Variants in TRAF2 observed in about 807,000 individuals in gnomAD.
TRAF2 encodes TNF receptor-associated factor 2.
Under a neutral mutation model 55.6 loss-of-function variants are expected in TRAF2, and 6 were observed. The ratio of observed to expected loss-of-function variants is 0.11; its 90% CI spans 0.06 to 0.21. TRAF2 has a LOEUF of 0.21. Among genes scored for constraint, TRAF2 ranks in the 10% least tolerant of loss-of-function variants. TRAF2 has a pLI of 1.00. For synonymous variants in TRAF2, 329 were observed against 276.3 expected (o/e 1.19, Z -1.89); for missense variants, 561 against 684.5 (o/e 0.82, Z 2.01).
At chr9:136,897,946 G>A (rs7033827) in intron 1 of TRAF2, among the ~76,000 whole-genome samples, 36 of 101,016 alleles carry the variant, frequency 3.6e-4, no homozygotes, top group Admixed American at 4.0e-4. Context: ...GGTGTGCTAC[G>A]TTCCCGCTCT....
At position 136,925,663 on chromosome 9, in the gene TRAF2, C is replaced by T. The variant is rs769685236; in HGVS notation, c.1288-20C>T. 54 of 1,612,934 alleles carry T rather than the reference C, an allele frequency of 3.3e-5. No individual in the cohort carries two copies. The highest frequency in any genetic ancestry group is 4.3e-5 in the Non-Finnish European group (51 of 1,179,440). On this transcript the variant is annotated intron_variant, in intron 10 of 10. Transcript: ENST00000247668. ...ACGGCCCACAGACCTGTGTCCCCTC[C>T]CTGGGGCTCTCTCCTCCAGGTGACC...
At chr9:136,915,441 C>T (rs764709402) in intron 6 of TRAF2, among the ~76,000 whole-genome samples, 1 of 152,038 alleles carries the variant, frequency 6.6e-6, no homozygotes, top group Non-Finnish European at 1.5e-5. Context: ...GGGTCCACGC[C>T]GTGGATCCAG....
At chr9:136,914,529 TCA>T (rs1158592368) in intron 6 of TRAF2, among the ~76,000 whole-genome samples, 13 of 152,218 alleles carry the variant, frequency 8.5e-5, no homozygotes, top group Admixed American at 3.9e-4. Flanking sequence ...CGAAAATACT[TCA>T]GTGACAGCAG....
At chr9:136,887,209 T>A (rs968626839) in intron 1 of TRAF2, among the ~76,000 whole-genome samples, 4 of 151,754 alleles carry the variant, frequency 2.6e-5, no homozygotes, top group African/African-American at 9.7e-5. Context: ...CGGGCCGGGA[T>A]CGGGGCCGGG....
chr9:136,899,445 C>A, intron 2 of TRAF2, 149 bp from the exon 3 acceptor site: 1 of 620,806 alleles, frequency 1.6e-6, no homozygotes, highest in Non-Finnish European at 2.8e-6. Flanking sequence ...TAAAACATGT[C>A]CTGTTAACAT....
intron 1 of TRAF2, among the ~76,000 whole-genome samples, chr9:136,891,910 G>C (rs912198575): frequency 6.6e-6 from 1 of 151,048 alleles, no homozygotes; most frequent in Non-Finnish European, 1.5e-5. Flanking sequence ...TAGTAGAAAT[G>C]GGTTTCTCCA....
chr9:136,900,665 C>G, intron 4 of TRAF2, 145 bp downstream of exon 4: 1 of 737,508 alleles, frequency 1.4e-6, no homozygotes, highest in East Asian at 2.7e-5. Context: ...AGAGACGGAG[C>G]TGCTCCTTAG....
chr9:136,912,152 CTT>C (rs1180324647), intron 6 of TRAF2, among the ~76,000 whole-genome samples: 1 of 58,328 alleles, frequency 1.7e-5, no homozygotes, highest in African/African-American at 7.6e-5. Flanking sequence ...GCGTCTGGCC[CTT>C]TTTTTTTTTT....
chr9:136,896,099 A>C (rs563141411), intron 1 of TRAF2, among the ~76,000 whole-genome samples: 4 of 150,730 alleles, frequency 2.7e-5, no homozygotes, highest in African/African-American at 4.9e-5. Context: ...GAGCCCCCCC[A>C]CCCCCACTGG....
At chr9:136,898,149 C>G (rs1045878698) in intron 1 of TRAF2, among the ~76,000 whole-genome samples, 2 of 151,794 alleles carry the variant, frequency 1.3e-5, no homozygotes, top group South Asian at 2.1e-4. Flanking sequence ...AGTGCACTAG[C>G]CAGCCCCAGG....
intron 1 of TRAF2, among the ~76,000 whole-genome samples, chr9:136,896,820 G>GAGTTTAATA: frequency 6.6e-6 from 1 of 152,316 alleles, no homozygotes; most frequent in East Asian, 1.9e-4. Flanking sequence ...GTGTTAGCCA[G>GAGTTTAATA]GATGGTCCCG....
intron 5 of TRAF2, among the ~76,000 whole-genome samples, chr9:136,909,016 C>T (rs1298091981): frequency 1.4e-5 from 2 of 144,930 alleles, no homozygotes; most frequent in Non-Finnish European, 3.0e-5. Context: ...CTAGCCTGGG[C>T]AACAGAGGAA....
At chr9:136,907,994 T>C in intron 4 of TRAF2, 76 bp from the exon 5 acceptor site, 1 of 1,529,234 alleles carries the variant, frequency 6.5e-7, no homozygotes, top group Non-Finnish European at 8.8e-7. Context: ...TACATCGCCT[T>C]GTGTCCCCGG....
chr9:136,908,328 C>T, intron 5 of TRAF2, 97 bp downstream of exon 5: 2 of 1,317,574 alleles, frequency 1.5e-6, no homozygotes, highest in South Asian at 1.5e-5. Context: ...GGCCCCTTTG[C>T]ACTCGTTCCA....
chr9:136,900,650 G>T, intron 4 of TRAF2, 130 bp downstream of exon 4: 1 of 779,896 alleles, frequency 1.3e-6, no homozygotes. Context: ...GATGTCTGTG[G>T]AGGAAGAGAC....
intron 6 of TRAF2, among the ~76,000 whole-genome samples, chr9:136,912,055 G>A (rs182893491): frequency 1.1e-4 from 17 of 150,702 alleles, no homozygotes; most frequent in African/African-American, 3.7e-4. Context: ...GGGTTTCACC[G>A]TGTTGACCAG....
At position 136,910,092 on chromosome 9, in the gene TRAF2, T is replaced by G. The variant is rs2131311259; in HGVS notation, c.603+98T>G. 3.9e-6 allele frequency: 5 copies of G among 1,287,924 alleles called. No individual in the cohort carries two copies. In the East Asian group the frequency reaches 1.3e-4, roughly 32 times the overall value. 79.8% of individuals were successfully genotyped at this position (1,287,924 alleles called of 1,614,324 possible). A position where few individuals can be genotyped will look rare whatever the true frequency, so the allele number is the denominator to read the frequency against. ...GGGGTGGGGCAGGTTATGACCCTTG[T>G]GCCCAAAGGAACAGCAGTGCAAAGC... On this transcript the variant is annotated intron_variant, in intron 6 of 10. Transcript: ENST00000247668.
In TRAF2 at chr9:136,926,091, A is replaced by G; in HGVS notation, c.*190A>G. ...AGCCACCAGCCAGTCCTCAGATTTC[A>G]GAGACTGCGGAGGGGCTTGGCAGAC... On this transcript the variant is annotated 3_prime_UTR_variant, in exon 11 of 11. Transcript: ENST00000247668. 1 of 799,984 alleles carries G rather than the reference A, an allele frequency of 1.3e-6. No homozygotes were observed. Among genetic ancestry groups the G allele is most frequent in the Non-Finnish European group, 2.2e-6 (1 of 456,900 alleles). 49.6% of individuals were successfully genotyped at this position (799,984 alleles called of 1,614,324 possible). A position where few individuals can be genotyped will look rare whatever the true frequency, so the allele number is the denominator to read the frequency against.
At chr9:136,918,669 C>G (rs1295977961) in intron 7 of TRAF2, among the ~76,000 whole-genome samples, 1 of 152,128 alleles carries the variant, frequency 6.6e-6, no homozygotes, top group Non-Finnish European at 1.5e-5. Flanking sequence ...TTAAGGAGGC[C>G]TAGCTTCCAG....
Sources: gnomAD v4.1 joint callset for allele counts (sites outside exome capture counted in the v4.1 genomes callset) on GRCh38, gnomAD v4.1.1 for gene constraint, MANE v1.5 for transcripts, NCBI Gene and HGNC (gene_info 2026-07-23, HGNC 2026-07-21) for gene names.